TMCO4: variants seen among roughly 807,000 people sequenced by gnomAD.
TMCO4 encodes transmembrane and coiled-coil domain-containing protein 4.
In TMCO4, 58 loss-of-function variants were observed where a neutral mutation model predicts 64.7. That is an observed-to-expected ratio of 0.90 (90% CI 0.73 to 1.12). The LOEUF (loss-of-function observed/expected upper bound fraction) is 1.12. TMCO4 is among the 50% of genes most tolerant of loss of function. The probability of loss-of-function intolerance (pLI) is 0.00; values close to 1 mark genes in which losing one functional copy is unlikely to be tolerated. For missense variants in TMCO4, 780 were observed against 825.9 expected, an observed-to-expected ratio of 0.94 and a Z score of 0.68; for synonymous variants, 325 against 346.1, an observed-to-expected ratio of 0.94 and a Z score of 0.68.
intron 3 of TMCO4, among the ~76,000 whole-genome samples, chr1:19,782,809 A>G (rs1310655110): frequency 6.6e-6 from 1 of 152,220 alleles, no homozygotes; most frequent in East Asian, 1.9e-4. Flanking sequence ...ATGCAGGCTC[A>G]GGACCAGACA....
chr1:19,691,337 G>A (rs774400930), intron 15 of TMCO4, among the ~76,000 whole-genome samples: 2 of 152,186 alleles, frequency 1.3e-5, no homozygotes, highest in African/African-American at 4.8e-5. Context: ...TGGAAGTTTA[G>A]GGGTGAAGAT....
At chr1:19,716,474 C>T (rs1419414599) in intron 13 of TMCO4, among the ~76,000 whole-genome samples, 3 of 148,678 alleles carry the variant, frequency 2.0e-5, no homozygotes, top group Admixed American at 6.8e-5. Flanking sequence ...TCGTGATTTG[C>T]CTTCCTCGGC....
intron 13 of TMCO4, among the ~76,000 whole-genome samples, chr1:19,706,594 A>G (rs2095304434): frequency 6.6e-6 from 1 of 152,206 alleles, no homozygotes; most frequent in Non-Finnish European, 1.5e-5. Context: ...ATTTTTAAAC[A>G]GTTCTCGCTA....
chr1:19,793,290 G>C (rs1345755698), intron 2 of TMCO4, among the ~76,000 whole-genome samples: 2 of 152,090 alleles, frequency 1.3e-5, no homozygotes, highest in African/African-American at 4.8e-5. Flanking sequence ...GTCATGGGAA[G>C]GCTGAAGACT....
Position 19,694,615 on chromosome 1 carries a change from G to T in TMCO4, c.1383-64C>A, listed in dbSNP as rs77979313. 5 of 1,487,322 alleles carry T rather than the reference G, an allele frequency of 3.4e-6. No individual in the cohort carries two copies. In the East Asian group the frequency reaches 1.2e-4, roughly 34 times the overall value. 92.1% of individuals were successfully genotyped at this position (1,487,322 alleles called of 1,614,324 possible). On this transcript the variant is annotated intron_variant, in intron 14 of 15. Transcript: ENST00000294543. ...GCCTCGGACAGCCCAAGGACAGGAC[G>T]GGCCAGGCTGCCTCCTGGGGAAGCC... is the stretch of plus-strand genomic sequence containing the variant.
chr1:19,697,152 G>A (rs1008175430), intron 14 of TMCO4, among the ~76,000 whole-genome samples: 1 of 152,172 alleles, frequency 6.6e-6, no homozygotes, highest in African/African-American at 2.4e-5. Context: ...CCTCTCTCTG[G>A]TTCAGTCTGT....
chr1:19,772,164 G>C (rs182448696), intron 4 of TMCO4, among the ~76,000 whole-genome samples: 2 of 152,172 alleles, frequency 1.3e-5, no homozygotes, highest in African/African-American at 4.8e-5. Flanking sequence ...CTCTAGAGCC[G>C]TGTGGTACCC....
chr1:19,752,559 C>CT (rs1048893844), intron 7 of TMCO4, among the ~76,000 whole-genome samples: 21 of 152,144 alleles, frequency 1.4e-4, no homozygotes, highest in Non-Finnish European at 2.1e-4. Context: ...TTTTAAATCA[C>CT]TTTTTTTTGT....
intron 13 of TMCO4, among the ~76,000 whole-genome samples, chr1:19,722,716 C>G (rs1370152564): frequency 6.6e-6 from 1 of 152,118 alleles, no homozygotes; most frequent in Non-Finnish European, 1.5e-5. Context: ...GAAGAAAGAA[C>G]CCCTGGGGCA....
chr1:19,799,276 C>T (rs977804666), intron 1 of TMCO4: 1 of 152,342 alleles, frequency 6.6e-6, no homozygotes, highest in Admixed American at 6.5e-5. Context: ...AAGACATGGC[C>T]TCCTTGTAAC....
chr1:19,767,560 G>T (rs188086974), intron 6 of TMCO4, among the ~76,000 whole-genome samples: 3 of 152,322 alleles, frequency 2.0e-5, no homozygotes, highest in South Asian at 4.1e-4. Context: ...GTTTGCAGGG[G>T]TGGGGTGCAG....
In TMCO4 at chr1:19,782,495, C is replaced by A. The variant is rs575415787; in HGVS notation, c.-8-1729G>T. On this transcript the variant is annotated intron_variant, in intron 3 of 15. Transcript: ENST00000294543. The stretch of plus-strand genomic sequence containing the variant: ...GGGTATAAATATATTTAAAAATTCC[C>A]TGAACTGTATAGTTAATATTTATGC... Among the ~76,000 whole-genome samples the A allele has an allele frequency of 5.8e-4, 88 of 152,202 alleles. No individual in the cohort carries two copies. In the South Asian group the frequency reaches 0.013, roughly 23 times the overall value.
intron 7 of TMCO4, among the ~76,000 whole-genome samples, chr1:19,747,874 C>G (rs2041859730): frequency 6.6e-6 from 1 of 152,152 alleles, no homozygotes; most frequent in South Asian, 2.1e-4. Flanking sequence ...GCCCAATTTT[C>G]CTATTGGACA....
chr1:19,721,632 T>C (rs942697775), intron 13 of TMCO4, among the ~76,000 whole-genome samples: 4 of 151,834 alleles, frequency 2.6e-5, no homozygotes, highest in Non-Finnish European at 4.4e-5. Context: ...CTTCAAAAAA[T>C]GCAAAAATGA....
intron 6 of TMCO4, among the ~76,000 whole-genome samples, chr1:19,762,604 G>A (rs1019165352): frequency 6.6e-6 from 1 of 152,158 alleles, no homozygotes; most frequent in Non-Finnish European, 1.5e-5. Context: ...CTTCATTATC[G>A]AACACTCTTA....
intron 13 of TMCO4, among the ~76,000 whole-genome samples, chr1:19,726,401 T>C (rs1281143682): frequency 6.6e-6 from 1 of 151,444 alleles, no homozygotes; most frequent in Admixed American, 6.6e-5. Context: ...GAGGTGGAGG[T>C]TGCAGTGAGC....
chr1:19,694,414 A>G lies in TMCO4; in HGVS notation c.1500+20T>C. The stretch of plus-strand genomic sequence containing the variant: ...AACTAAGCAAACGCAAAGCCCCAGG[A>G]GGAACAGGCCGACACTCACCACAGA... On this transcript the variant is annotated intron_variant, in intron 15 of 15. Transcript: ENST00000294543. The G allele has an allele frequency of 6.2e-7, 1 of 1,606,718 alleles. No individual in the cohort carries two copies. The highest frequency in any genetic ancestry group is 1.1e-5 in the South Asian group (1 of 90,644).
chr1:19,764,889 G>A (rs950708348), intron 6 of TMCO4, among the ~76,000 whole-genome samples: 8 of 146,050 alleles, frequency 5.5e-5, no homozygotes, highest in Admixed American at 2.1e-4. Flanking sequence ...GGAGAACCCA[G>A]CAGCCAGGTG....
intron 2 of TMCO4, among the ~76,000 whole-genome samples, chr1:19,788,437 G>A (rs138196351): frequency 1.2e-4 from 19 of 152,254 alleles, no homozygotes; most frequent in African/African-American, 4.6e-4. Context: ...CACGCACCAG[G>A]ATGCTGGCAG....
Sources: gnomAD v4.1 joint callset for allele counts (sites outside exome capture counted in the v4.1 genomes callset) on GRCh38, gnomAD v4.1.1 for gene constraint, MANE v1.5 for transcripts, NCBI Gene and HGNC (gene_info 2026-07-23, HGNC 2026-07-21) for gene names.